The following RUNX3 variants were observed in gnomAD, a reference collection of about 807,000 sequenced individuals.
RUNX3 encodes the protein runt-related transcription factor 3.
RUNX3 carries 10 observed loss-of-function variants against 27.7 expected under a neutral mutation model. The ratio of observed to expected loss-of-function variants is 0.36; its 90% CI spans 0.22 to 0.61. The LOEUF (loss-of-function observed/expected upper bound fraction) is 0.61. Ranked by LOEUF, RUNX3 falls within the 20% of genes least tolerant of loss-of-function variation. The pLI is 0.72. For synonymous variants in RUNX3, 270 were observed against 269.2 expected (o/e 1.00, Z -0.03); for missense variants, 469 against 629.5 (o/e 0.75, Z 2.73).
At chr1:24,930,411 G>T (rs1365833837), upstream of RUNX3, 2 of 195,960 alleles carry the variant, frequency 1.0e-5, no homozygotes, top group Non-Finnish European at 1.8e-5. This position sits in a 1 kb window ranked among gnomAD's most constrained non-coding sequence, Gnocchi z 4.1. Context: ...GAGGAACGGG[G>T]CCTGCCGGAG....
At chr1:24,947,414 C>T (rs1641635180) in intron 2 of RUNX3, among the ~76,000 whole-genome samples, 2 of 152,174 alleles carry the variant, frequency 1.3e-5, no homozygotes, top group Admixed American at 1.3e-4. Context: ...AGACAGCCTC[C>T]TAGGCCTGTG....
chr1:24,917,372 G>A (rs549183774), intron 3 of RUNX3, among the ~76,000 whole-genome samples: 6 of 152,324 alleles, frequency 3.9e-5, no homozygotes, highest in Admixed American at 6.5e-5. Context: ...AGAGCTCACC[G>A]TTGACTAATG....
chr1:24,951,918 A>G (rs569265343), intron 2 of RUNX3, among the ~76,000 whole-genome samples: 1 of 152,288 alleles, frequency 6.6e-6, no homozygotes, highest in South Asian at 2.1e-4. Context: ...TTTAGTGAGC[A>G]AGATTATGCC....
rs772914903 is a variant in RUNX3, at chr1:24,902,553, C to T, written c.817G>A (p.Ala273Thr). 2 of 1,587,526 alleles carry T rather than the reference C, an allele frequency of 1.3e-6. No individual in the cohort carries two copies. The highest frequency in any genetic ancestry group is 1.7e-6 in the Non-Finnish European group (2 of 1,161,184). Residue 273 changes from alanine (A) to threonine (T), a missense_variant, in exon 5 of 5, where the codon GCC becomes ACC. This residue lies in a region of RUNX3 where 279 missense variants were observed against 343.0 expected (regional missense o/e 0.81). Transcript: ENST00000308873. This position sits in a 1 kb window ranked among gnomAD's most constrained non-coding sequence, Gnocchi z 9.2. ...CTGTAGGGGAAGGCAGCTGACATGG[C>T]CCCGGGATAATGCATCCTGGGGTCT... ...FPDPRMHYPG[A>T]MSAAFPYSAT...
chr1:24,923,718 G>A lies in RUNX3; in HGVS notation c.439+3856C>T, dbSNP rs1641042733. 6.6e-6 allele frequency among the ~76,000 whole-genome samples: 1 copy of A among 152,038 alleles called. No homozygotes were observed. The highest frequency in any genetic ancestry group is 2.4e-5 in the African/African-American group (1 of 41,390). ...GGGAGGGGACGTGTCTCAGTCTCAG[G>A]GGACCTCGGGGTTTTCTCAGCTTCA... On this transcript the variant is annotated intron_variant, in intron 2 of 4. Transcript: ENST00000308873. This position sits in a 1 kb window ranked among gnomAD's most constrained non-coding sequence, Gnocchi z 5.9.
In RUNX3 at chr1:24,929,928, C is replaced by T; in HGVS notation, c.-60G>A. On this transcript the variant is annotated 5_prime_UTR_variant, in exon 1 of 5. Transcript: ENST00000308873. ...CGGCGCGGCTTCCCCCGGGGGCGGC[C>T]GGCGCGGGCGCCTCCTCGGCCGCCG... The T allele has an allele frequency of 2.5e-6, 3 of 1,222,120 alleles. No homozygotes were observed. The highest frequency in any genetic ancestry group is 3.1e-6 in the Non-Finnish European group (3 of 983,070). The allele number at this position is 1,222,120 out of a possible 1,614,324, so 75.7% of individuals were successfully genotyped here. A position where few individuals can be genotyped will look rare whatever the true frequency, so the allele number is the denominator to read the frequency against.
chr1:24,953,363 G>GAAAAAAAAAAAAAAAAAAAA (rs71577738), intron 2 of RUNX3, among the ~76,000 whole-genome samples: 1 of 60,740 alleles, frequency 1.6e-5, no homozygotes, highest in Non-Finnish European at 2.8e-5. Flanking sequence ...GACTCCGTCT[G>GAAAAAAAAAAAAAAAAAAAA]AAAAAAAAAA....
intron 2 of RUNX3, among the ~76,000 whole-genome samples, chr1:24,926,170 C>T (rs558942595): frequency 6.6e-6 from 1 of 152,188 alleles, no homozygotes; most frequent in African/African-American, 2.4e-5. Context: ...GCCACTGCCC[C>T]GCAGTCAGCA....
chr1:24,942,964 G>A (rs1214033922), intron 2 of RUNX3, among the ~76,000 whole-genome samples: 1 of 152,250 alleles, frequency 6.6e-6, no homozygotes, highest in South Asian at 2.1e-4. Flanking sequence ...AGAGGTCACA[G>A]GCTGGAAATG....
intron 2 of RUNX3, among the ~76,000 whole-genome samples, chr1:24,920,818 T>G (rs1365275858): frequency 2.6e-5 from 4 of 152,228 alleles, no homozygotes; most frequent in Admixed American, 2.0e-4. Flanking sequence ...TTCGACAGTC[T>G]TCTCTCTACT....
intron 2 of RUNX3, among the ~76,000 whole-genome samples, chr1:24,951,237 G>T (rs1641758691): frequency 6.7e-6 from 1 of 150,228 alleles, no homozygotes; most frequent in South Asian, 2.1e-4. Flanking sequence ...GGCAGCATGG[G>T]TGCCTGCTGA....
intron 2 of RUNX3, among the ~76,000 whole-genome samples, chr1:24,947,981 T>C (rs1641654286): frequency 6.6e-6 from 1 of 152,222 alleles, no homozygotes; most frequent in Admixed American, 6.5e-5. Flanking sequence ...CCCGGGCCAG[T>C]TTCCCCATCT....
In RUNX3 at chr1:24,929,945, C is replaced by T. The variant is rs1641183989; in HGVS notation, c.-77G>A. ...GGGGCGGCCGGCGCGGGCGCCTCCTCGGCCGCCGCTGCCGCGAGAAGCGGG... is the reference window on the plus strand; with the variant it reads ...GGGGCGGCCGGCGCGGGCGCCTCCTTGGCCGCCGCTGCCGCGAGAAGCGGG... On this transcript the variant is annotated 5_prime_UTR_variant, in exon 1 of 5. Transcript: ENST00000308873. 9.1e-6 allele frequency: 11 copies of T among 1,214,458 alleles called. No homozygotes were observed. Among genetic ancestry groups the T allele is most frequent in the Non-Finnish European group, 1.0e-5 (10 of 978,428 alleles). 75.2% of individuals were successfully genotyped at this position (1,214,458 alleles called of 1,614,324 possible).
At chr1:24,928,954 C>A in intron 1 of RUNX3, 1 of 422,568 alleles carries the variant, frequency 2.4e-6, no homozygotes, top group Non-Finnish European at 4.7e-6. Flanking sequence ...GAAAATGAAA[C>A]AGTCGCCTAC....
At chr1:24,931,778 G>A (rs1409447791), upstream of RUNX3, among the ~76,000 whole-genome samples, 2 of 152,214 alleles carry the variant, frequency 1.3e-5, no homozygotes, top group African/African-American at 4.8e-5. Flanking sequence ...ACCACCGGGA[G>A]AGCTGGCCCC....
At position 24,904,251 on chromosome 1, in the gene RUNX3, C is replaced by T. The variant is rs1640619561; in HGVS notation, c.704-1585G>A. 6.6e-6 allele frequency among the ~76,000 whole-genome samples: 1 copy of T among 152,202 alleles called. No homozygotes were observed. The stretch of plus-strand genomic sequence containing the variant: ...TGGCTGAGGACGGAGAGCTATGAGC[C>T]TGAGGTGTGTGTGACTTCGGCTGGG... On this transcript the variant is annotated intron_variant, in intron 4 of 4. Transcript: ENST00000308873. The surrounding 1 kb of genome is among the most constrained non-coding windows in gnomAD (Gnocchi z 5.7).
chr1:24,912,585 G>C (rs1395369454), intron 3 of RUNX3, among the ~76,000 whole-genome samples: 1 of 152,004 alleles, frequency 6.6e-6, no homozygotes, highest in Non-Finnish European at 1.5e-5. Context: ...TCATCAAAAC[G>C]GCAGCAGATG....
In RUNX3 at chr1:24,923,518, G is replaced by A. The variant is rs114521763; in HGVS notation, c.439+4056C>T. 9.0e-3 allele frequency among the ~76,000 whole-genome samples: 1,368 copies of A among 152,278 alleles called. 31 individuals carry two copies. The highest frequency in any genetic ancestry group is 0.031 in the African/African-American group (1,298 of 41,544). ...TCTGAGGGCTGGCCCTGGTTGCAGG[G>A]GAGAAGTCTTGGTCTGGGAAATGGG... On this transcript the variant is annotated intron_variant, in intron 2 of 4. Transcript: ENST00000308873. This position sits in a 1 kb window ranked among gnomAD's most constrained non-coding sequence, Gnocchi z 5.9.
At position 24,902,322 on chromosome 1, in the gene RUNX3, T is replaced by G; in HGVS notation, c.1048A>C (p.Ser350Arg). The G allele has an allele frequency of 6.2e-7, 1 of 1,609,702 alleles. No homozygotes were observed. Among genetic ancestry groups the G allele is most frequent in the Non-Finnish European group, 8.5e-7 (1 of 1,179,182 alleles). The change falls in exon 5 of 5, where the codon AGC becomes CGC. Residue 350 changes from serine (S) to arginine (R), a missense_variant. Around this residue, in one of 3 missense-constraint regions of RUNX3, gnomAD observed 279 missense variants for 343.0 expected, o/e 0.81. Transcript: ENST00000308873. This position sits in a 1 kb window ranked among gnomAD's most constrained non-coding sequence, Gnocchi z 9.2. ...SYQFSMVAGS[S>R]SGGDRSPTRM... ...GTAGGTGAGCGGTCGCCCCCACTGC[T>G]GCTGCCGGCCACCATGGAGAACTGG...
Sources: gnomAD v4.1 joint callset for allele counts (sites outside exome capture counted in the v4.1 genomes callset) on GRCh38, gnomAD v4.1.1 for gene constraint, gnomAD v4.1.1 regional missense constraint, Gnocchi (gnomAD v3.1) non-coding constraint, MANE v1.5 for transcripts, NCBI Gene and HGNC (gene_info 2026-07-23, HGNC 2026-07-21) for gene names.